RBFOX1: variants seen among roughly 807,000 people sequenced by gnomAD.
RBFOX1 encodes RNA binding protein fox-1 homolog 1.
RBFOX1 carries 8 observed loss-of-function variants against 57.7 expected under a neutral mutation model. The ratio of observed to expected loss-of-function variants is 0.14; its 90% confidence interval spans 0.08 to 0.25. The LOEUF (loss-of-function observed/expected upper bound fraction) is 0.25, where lower values mean the gene tolerates loss of function less well. Ranked by LOEUF, RBFOX1 falls within the 10% of genes least tolerant of loss-of-function variation. RBFOX1 has a pLI of 1.00. For missense variants in RBFOX1, 611 were observed against 548.5 expected (o/e 1.11, Z -1.14); for synonymous variants, 326 against 222.4 (o/e 1.47, Z -4.15).
chr16:6,539,758 A>G (rs181207451), intron 2 of RBFOX1, among the ~76,000 whole-genome samples: 28 of 148,584 alleles, frequency 1.9e-4, no homozygotes, highest in Non-Finnish European at 3.4e-4. Context: ...AGATCGTGCC[A>G]CTGCACTCCA....
Position 6,690,454 on chromosome 16 carries a change from C to T in RBFOX1, c.-16+35804C>T, listed in dbSNP as rs887696989. Among the ~76,000 whole-genome samples, 4 of 151,880 alleles carry T rather than the reference C, an allele frequency of 2.6e-5. No individual in the cohort carries two copies. In the East Asian group the frequency reaches 5.8e-4, roughly 22 times the overall value. On this transcript the variant is annotated intron_variant, in intron 3 of 15. Transcript: ENST00000550418. ...CTATTTGAAATGCAAAATGATTTTG[C>T]CTACTATAGTTTAACATTAAAGAAA... is the stretch of plus-strand genomic sequence containing the variant.
At chr16:5,872,262 G>T (rs74774288) in intron 4 of RBFOX1, among the ~76,000 whole-genome samples, 19,142 of 152,206 alleles carry the variant, frequency 0.13, 1,632 homozygotes, top group Non-Finnish European at 0.18. Flanking sequence ...GAAGGTTACA[G>T]TGGAAAGAGC....
intron 3 of RBFOX1, among the ~76,000 whole-genome samples, chr16:5,688,008 G>C (rs773995740): frequency 2.6e-5 from 4 of 152,088 alleles, no homozygotes; most frequent in African/African-American, 4.8e-5. Flanking sequence ...CCAAGTTTTG[G>C]TAAAAAATAT....
intron 4 of RBFOX1, among the ~76,000 whole-genome samples, chr16:5,943,013 C>G (rs76636688): frequency 6.6e-6 from 1 of 152,190 alleles, no homozygotes; most frequent in Non-Finnish European, 1.5e-5. Context: ...TCTGCACTGA[C>G]CACAAGCTCA....
chr16:7,005,619 A>G (rs746218543), intron 3 of RBFOX1, among the ~76,000 whole-genome samples: 12 of 152,160 alleles, frequency 7.9e-5, no homozygotes, highest in East Asian at 1.9e-4. Context: ...GTGGCTTGAC[A>G]CTCACAGATA....
chr16:5,662,303 T>G (rs2049680928), intron 3 of RBFOX1, among the ~76,000 whole-genome samples: 1 of 152,172 alleles, frequency 6.6e-6, no homozygotes, highest in Non-Finnish European at 1.5e-5. Context: ...TTGAAGAGCT[T>G]TTGTTTGTGT....
chr16:5,834,742 C>G (rs56018901), intron 3 of RBFOX1, among the ~76,000 whole-genome samples: 2,064 of 102,662 alleles, frequency 0.02, 52 homozygotes, highest in African/African-American at 0.071. Context: ...TACATACATA[C>G]ATACATACAT....
At chr16:6,243,379 A>G (rs2097550283) in intron 1 of RBFOX1, among the ~76,000 whole-genome samples, 1 of 152,190 alleles carries the variant, frequency 6.6e-6, no homozygotes, top group Non-Finnish European at 1.5e-5. Context: ...TTTGGAAAGC[A>G]TATTCCAATG....
chr16:7,205,815 T>C (rs1247837439), intron 4 of RBFOX1, among the ~76,000 whole-genome samples: 2 of 152,260 alleles, frequency 1.3e-5, no homozygotes, highest in African/African-American at 2.4e-5. Context: ...ATTGAAACCT[T>C]ACCACTGAGA....
chr16:7,295,386 C>T (rs1289352078), intron 4 of RBFOX1, among the ~76,000 whole-genome samples: 1 of 152,078 alleles, frequency 6.6e-6, no homozygotes, highest in Non-Finnish European at 1.5e-5. Flanking sequence ...ATGGTTTCAT[C>T]AACTGGTCAG....
chr16:6,720,801 C>A (rs879526193), intron 3 of RBFOX1, among the ~76,000 whole-genome samples: 4 of 152,120 alleles, frequency 2.6e-5, no homozygotes, highest in Non-Finnish European at 5.9e-5. Context: ...GTAGGTACTT[C>A]TGAAGGATTA....
intron 4 of RBFOX1, among the ~76,000 whole-genome samples, chr16:5,929,249 GTTGA>G (rs1458000614): frequency 6.6e-6 from 1 of 151,998 alleles, no homozygotes; most frequent in Non-Finnish European, 1.5e-5. Context: ...GGTCTCTGAG[GTTGA>G]ATGCACAGGT....
At chr16:5,554,392 T>TA (rs1321541298) in intron 2 of RBFOX1, among the ~76,000 whole-genome samples, 1 of 152,090 alleles carries the variant, frequency 6.6e-6, no homozygotes, top group Non-Finnish European at 1.5e-5. Flanking sequence ...GTTTTAAAAA[T>TA]AAAAAAATTA....
At chr16:5,703,791 A>G (rs1401918172) in intron 3 of RBFOX1, among the ~76,000 whole-genome samples, 1 of 152,184 alleles carries the variant, frequency 6.6e-6, no homozygotes, top group African/African-American at 2.4e-5. Context: ...GTGTGAGTAT[A>G]TATATATGTG....
chr16:6,690,647 A>G (rs1236167658), intron 3 of RBFOX1, among the ~76,000 whole-genome samples: 1 of 152,140 alleles, frequency 6.6e-6, no homozygotes, highest in Non-Finnish European at 1.5e-5. Context: ...CTTAGGAATC[A>G]TAAACCTCTG....
chr16:6,061,166 A>G (rs2095681345), intron 1 of RBFOX1, among the ~76,000 whole-genome samples: 1 of 152,148 alleles, frequency 6.6e-6, no homozygotes, highest in African/African-American at 2.4e-5. Flanking sequence ...TTGCTAACCC[A>G]CCCGGCAGCA....
intron 4 of RBFOX1, among the ~76,000 whole-genome samples, chr16:7,196,999 G>A (rs902706276): frequency 5.3e-5 from 8 of 152,184 alleles, no homozygotes; most frequent in Admixed American, 4.6e-4. Flanking sequence ...ATTTTAAGGA[G>A]AGTTTAAAAG....
At chr16:5,856,601 A>ATATATG (rs1321996342) in intron 3 of RBFOX1, among the ~76,000 whole-genome samples, 3 of 107,300 alleles carry the variant, frequency 2.8e-5, no homozygotes, top group African/African-American at 1.1e-4. Flanking sequence ...ATATATATAT[A>ATATATG]TATAATCTTA....
intron 3 of RBFOX1, among the ~76,000 whole-genome samples, chr16:6,780,290 T>C (rs1567215386): frequency 2.1e-5 from 1 of 48,508 alleles, no homozygotes. Context: ...TTTATACATA[T>C]ATATATTTAT....
Sources: allele counts gnomAD v4.1 joint callset (sites outside exome capture counted in the v4.1 genomes callset), GRCh38; gene constraint gnomAD v4.1.1; transcripts MANE v1.5; gene names NCBI Gene and HGNC (gene_info 2026-07-23, HGNC 2026-07-21).